WASHC3: variants seen among roughly 807,000 people sequenced by gnomAD.
WASHC3 encodes WASH complex subunit 3.
Under a neutral mutation model 26.1 loss-of-function variants are expected in WASHC3, and 24 were observed. That is an observed-to-expected ratio of 0.92 (90% CI 0.66 to 1.29). The LOEUF (loss-of-function observed/expected upper bound fraction) is 1.29, where lower values mean the gene tolerates loss of function less well. Among genes scored for constraint, WASHC3 ranks in the 50% most tolerant of loss-of-function variants. The pLI, the probability that WASHC3 is intolerant of heterozygous loss-of-function variation, is 0.00. For missense variants in WASHC3, 214 were observed against 229.6 expected (o/e 0.93, Z 0.44); for synonymous variants, 77 against 75.7 (o/e 1.02, Z -0.09).
intron 4 of WASHC3, among the ~76,000 whole-genome samples, chr12:102,040,796 T>C (rs897332061): frequency 2.6e-5 from 4 of 152,100 alleles, no homozygotes; most frequent in African/African-American, 9.6e-5. Flanking sequence ...TTGATTTTTC[T>C]ATCAAACCAA....
intron 4 of WASHC3, among the ~76,000 whole-genome samples, chr12:102,041,996 T>C (rs1335181316): frequency 1.3e-5 from 2 of 152,102 alleles, no homozygotes; most frequent in Non-Finnish European, 2.9e-5. Flanking sequence ...TTAAAGGGCA[T>C]ATTATAGATG....
intron 5 of WASHC3, among the ~76,000 whole-genome samples, chr12:102,031,037 G>C (rs1877417199): frequency 6.6e-6 from 1 of 152,168 alleles, no homozygotes. Context: ...CTGGTTCTAA[G>C]CTCCCTAACT....
At chr12:102,032,813 C>T (rs1297517729) in intron 5 of WASHC3, among the ~76,000 whole-genome samples, 2 of 152,106 alleles carry the variant, frequency 1.3e-5, no homozygotes, top group African/African-American at 4.8e-5. Flanking sequence ...GGGAAAAGAT[C>T]TGGGTGTATT....
At chr12:102,033,606 A>C (rs1877526817) in intron 5 of WASHC3, among the ~76,000 whole-genome samples, 1 of 152,138 alleles carries the variant, frequency 6.6e-6, no homozygotes, top group Non-Finnish European at 1.5e-5. Context: ...CCCTTTCACA[A>C]GGTGAAAGAC....
chr12:102,039,127 GGTTTTTTTTTTTT>G (rs1877817855), intron 5 of WASHC3, among the ~76,000 whole-genome samples: 1 of 84,272 alleles, frequency 1.2e-5, no homozygotes, highest in African/African-American at 4.8e-5. Flanking sequence ...TATGGAGTTA[GGTTTTTTTTTTTT>G]TTTTTTTTTT....
chr12:102,034,207 C>T (rs1449146260), intron 5 of WASHC3, among the ~76,000 whole-genome samples: 1 of 152,048 alleles, frequency 6.6e-6, no homozygotes, highest in African/African-American at 2.4e-5. Flanking sequence ...AATTGAACCA[C>T]ATTTTCAGAG....
At chr12:102,048,761 T>C (rs1368449665) in intron 2 of WASHC3, among the ~76,000 whole-genome samples, 1 of 152,174 alleles carries the variant, frequency 6.6e-6, no homozygotes, top group Non-Finnish European at 1.5e-5. Flanking sequence ...TAGTATGTCA[T>C]AGTTTTAAAT....
chr12:102,038,694 T>C (rs1877785244), intron 5 of WASHC3, among the ~76,000 whole-genome samples: 1 of 152,176 alleles, frequency 6.6e-6, no homozygotes, highest in Non-Finnish European at 1.5e-5. Context: ...CAAAGTCTGG[T>C]TTATTTTTTT....
intron 2 of WASHC3, among the ~76,000 whole-genome samples, chr12:102,055,526 A>G (rs575716129): frequency 6.6e-6 from 1 of 152,274 alleles, no homozygotes; most frequent in South Asian, 2.1e-4. Context: ...TTGTATTTTT[A>G]GTAGAGACAG....
At chr12:102,053,354 C>T (rs182178940) in intron 2 of WASHC3, among the ~76,000 whole-genome samples, 27 of 152,084 alleles carry the variant, frequency 1.8e-4, no homozygotes, top group South Asian at 8.3e-4. Flanking sequence ...AACAACCCTA[C>T]GAACCTAGGC....
chr12:102,055,872 G>A lies in WASHC3; in HGVS notation c.150+5376C>T, dbSNP rs114100409. Reference sequence around the variant, plus strand: ...AAATTCAATTCCATTATTTAAAATAGTTTTTTTTAACTAGTTTTTCTATCA... The same window carrying A: ...AAATTCAATTCCATTATTTAAAATAATTTTTTTTAACTAGTTTTTCTATCA... On this transcript the variant is annotated intron_variant, in intron 2 of 6. Coordinates refer to ENST00000240079, the MANE Select transcript of WASHC3 (RefSeq NM_016053.4). Among the ~76,000 whole-genome samples the A allele has an allele frequency of 7.1e-3, 1,087 of 152,054 alleles. 13 individuals are homozygous for A. Among genetic ancestry groups the A allele is most frequent in the African/African-American group, 0.025 (1,029 of 41,472 alleles).
rs1451833328 is a variant in WASHC3, at chr12:102,029,061, T to TAAAAA, written c.436-3028_436-3024dup. ...TTAATACGAATCTCATAAAGCTTGA[T>TAAAAA]AAAAAAGAATAATTTGGCCTGTGTT... On this transcript the variant is annotated intron_variant, in intron 5 of 6. Coordinates refer to ENST00000240079, the MANE Select transcript of WASHC3 (RefSeq NM_016053.4). Among the ~76,000 whole-genome samples the TAAAAA allele has an allele frequency of 2.6e-5, 4 of 152,282 alleles. No individual in the cohort carries two copies. In the East Asian group the frequency reaches 7.7e-4, roughly 29 times the overall value.
At chr12:102,018,378 A>G (rs1422666843) in intron 6 of WASHC3, among the ~76,000 whole-genome samples, 1 of 152,202 alleles carries the variant, frequency 6.6e-6, no homozygotes, top group Non-Finnish European at 1.5e-5. Flanking sequence ...AGGGATCACA[A>G]TACTCTTTTC....
intron 6 of WASHC3, among the ~76,000 whole-genome samples, chr12:102,024,950 T>C (rs1164719257): frequency 1.3e-5 from 2 of 152,182 alleles, no homozygotes; most frequent in Non-Finnish European, 2.9e-5. Flanking sequence ...TGCCAAGCTA[T>C]GCCATTGTAC....
chr12:102,032,648 G>A (rs374246010), intron 5 of WASHC3, among the ~76,000 whole-genome samples: 26 of 152,236 alleles, frequency 1.7e-4, no homozygotes, highest in African/African-American at 5.1e-4. Context: ...CATTAGTAAT[G>A]AGATCCAAAT....
chr12:102,040,424 CTTTA>C, intron 4 of WASHC3: 1 of 151,968 alleles, frequency 6.6e-6, no homozygotes, highest in South Asian at 2.1e-4. Flanking sequence ...TAATTGAGCC[CTTTA>C]TTTATTAAAT....
chr12:102,038,672 C>A (rs909207936), intron 5 of WASHC3, among the ~76,000 whole-genome samples: 1 of 152,062 alleles, frequency 6.6e-6, no homozygotes, highest in Non-Finnish European at 1.5e-5. Context: ...AAAACTTCAT[C>A]TATTTTCATC....
chr12:102,061,964 T>C lies in WASHC3; in HGVS notation c.-2A>G, dbSNP rs757136906. ...GAGAGGAAGCCCGTCCTCATCCATC[T>C]CCTCAGCGGGCGGTGGACCCCGAGT... is the stretch of plus-strand genomic sequence containing the variant. On this transcript the variant is annotated 5_prime_UTR_variant, in exon 1 of 7. Transcript: ENST00000240079. The C allele has an allele frequency of 7.5e-6, 12 of 1,595,224 alleles. No individual in the cohort carries two copies. The highest frequency in any genetic ancestry group is 1.0e-5 in the Non-Finnish European group (12 of 1,169,928).
intron 5 of WASHC3, among the ~76,000 whole-genome samples, chr12:102,039,127 G>GT (rs151151284): frequency 0.054 from 4,511 of 84,226 alleles, 494 homozygotes; most frequent in African/African-American, 0.081. Context: ...TATGGAGTTA[G>GT]GTTTTTTTTT....
Sources: gnomAD v4.1 joint callset for allele counts (sites outside exome capture counted in the v4.1 genomes callset) on GRCh38, gnomAD v4.1.1 for gene constraint, MANE v1.5 for transcripts, NCBI Gene and HGNC (gene_info 2026-07-23, HGNC 2026-07-21) for gene names.